TPD52L1: variants seen among roughly 807,000 people sequenced by gnomAD.
TPD52L1 encodes tumor protein D53.
A neutral mutation model predicts 28.7 loss-of-function variants in TPD52L1; 18 were observed. The observed-to-expected ratio is 0.63, with a 90% CI of 0.43 to 0.93. The LOEUF (loss-of-function observed/expected upper bound fraction) is 0.93, where lower values mean the gene tolerates loss of function less well. Ranked by LOEUF, TPD52L1 falls within the 40% of genes least tolerant of loss-of-function variation. TPD52L1 has a pLI of 0.00. For missense variants in TPD52L1, 203 were observed against 254.8 expected (o/e 0.80, Z 1.39); for synonymous variants, 75 against 88.8 (o/e 0.84, Z 0.88).
chr6:125,153,779 G>C lies in TPD52L1; in HGVS notation c.-173G>C. The C allele has an allele frequency of 1.6e-6, 1 of 637,056 alleles. No homozygotes were observed. Among genetic ancestry groups the C allele is most frequent in the Non-Finnish European group, 2.6e-6 (1 of 390,038 alleles). 39.5% of individuals were successfully genotyped at this position (637,056 alleles called of 1,614,324 possible). Reference sequence around the variant, plus strand: ...GGAAGGGGCGGAGGTAACCAGAAGCGGCTAGTGGCGGCTGCCTGCGTCCCC... The same window carrying C: ...GGAAGGGGCGGAGGTAACCAGAAGCCGCTAGTGGCGGCTGCCTGCGTCCCC... On this transcript the variant is annotated 5_prime_UTR_variant, in exon 1 of 7. Coordinates refer to ENST00000534000, the MANE Select transcript of TPD52L1 (RefSeq NM_003287.4).
At chr6:125,260,965 AAAGAAAGAAAGAAAAG>A (rs1797932442) in intron 6 of TPD52L1, 4 of 43,164 alleles carry the variant, frequency 9.3e-5, no homozygotes, top group Admixed American at 5.6e-4. Flanking sequence ...AGAAAGAAAG[AAAGAAAGAAAGAAAAG>A]AAAAGAAAGA....
intron 3 of TPD52L1, among the ~76,000 whole-genome samples, chr6:125,237,300 T>C (rs1239670922): frequency 2.0e-5 from 3 of 152,142 alleles, no homozygotes; most frequent in Non-Finnish European, 4.4e-5. Context: ...GTATGGAGTT[T>C]AGTTAGGTGA....
chr6:125,154,981 G>C (rs542295998), intron 1 of TPD52L1, among the ~76,000 whole-genome samples: 1 of 152,290 alleles, frequency 6.6e-6, no homozygotes, highest in South Asian at 2.1e-4. Flanking sequence ...CCCTCTAGGG[G>C]CAGAACGCCC....
chr6:125,236,641 A>G (rs1244324611), intron 3 of TPD52L1, among the ~76,000 whole-genome samples: 1 of 152,240 alleles, frequency 6.6e-6, no homozygotes, highest in Non-Finnish European at 1.5e-5. Context: ...GAATTCTCTA[A>G]CTAGTAGCCA....
chr6:125,172,082 C>T (rs946059937), intron 1 of TPD52L1, among the ~76,000 whole-genome samples: 8 of 127,934 alleles, frequency 6.3e-5, no homozygotes, highest in African/African-American at 2.4e-4. Context: ...CTTTCTTTCT[C>T]TTTCTTTCTT....
intron 3 of TPD52L1, among the ~76,000 whole-genome samples, chr6:125,230,438 C>T (rs1470549279): frequency 6.6e-6 from 1 of 152,144 alleles, no homozygotes; most frequent in Non-Finnish European, 1.5e-5. Context: ...GCATTTTCTT[C>T]TCTACTATCA....
At chr6:125,216,555 A>G (rs1582947876) in intron 1 of TPD52L1, among the ~76,000 whole-genome samples, 1 of 135,574 alleles carries the variant, frequency 7.4e-6, no homozygotes, top group African/African-American at 2.7e-5. Context: ...ATATATATAT[A>G]TATATATATA....
intron 1 of TPD52L1, among the ~76,000 whole-genome samples, chr6:125,183,164 G>A (rs1792329413): frequency 6.6e-6 from 1 of 152,184 alleles, no homozygotes; most frequent in South Asian, 2.1e-4. Context: ...TGAGCGGTGA[G>A]ATTGGAGCCA....
chr6:125,172,229 CTCT>C (rs1345530055), intron 1 of TPD52L1, among the ~76,000 whole-genome samples: 1 of 126,298 alleles, frequency 7.9e-6, no homozygotes, highest in African/African-American at 3.1e-5. Flanking sequence ...TCCTTCCTTC[CTCT>C]TTCCTTCCTT....
intron 1 of TPD52L1, among the ~76,000 whole-genome samples, chr6:125,160,705 G>A (rs540639598): frequency 9.2e-5 from 14 of 152,250 alleles, no homozygotes; most frequent in Non-Finnish European, 1.9e-4. Flanking sequence ...TTCTTCCAGT[G>A]TAAGGCTGTT....
intron 2 of TPD52L1, among the ~76,000 whole-genome samples, chr6:125,224,194 G>T (rs1185313474): frequency 1.3e-5 from 2 of 152,006 alleles, no homozygotes; most frequent in Non-Finnish European, 2.9e-5. Flanking sequence ...TTTTGAAAAG[G>T]ATAAAGTTTT....
At chr6:125,170,885 A>G (rs62432188) in intron 1 of TPD52L1, among the ~76,000 whole-genome samples, 3,827 of 150,376 alleles carry the variant, frequency 0.025, 80 homozygotes, top group Middle Eastern at 0.048. Context: ...CTTCTAGACC[A>G]TGTTCTGGTA....
chr6:125,229,717 C>T (rs541266237), intron 3 of TPD52L1, among the ~76,000 whole-genome samples: 13 of 152,206 alleles, frequency 8.5e-5, no homozygotes, highest in African/African-American at 3.1e-4. Context: ...CAAAGAAAAC[C>T]TTGTACTTTT....
chr6:125,251,124 C>T (rs1204360815), intron 4 of TPD52L1, among the ~76,000 whole-genome samples: 2 of 143,338 alleles, frequency 1.4e-5, no homozygotes, highest in African/African-American at 5.6e-5. Flanking sequence ...TAATAAAAGA[C>T]CTTAAATGGG....
intron 1 of TPD52L1, among the ~76,000 whole-genome samples, chr6:125,215,681 C>T (rs1385358051): frequency 6.6e-6 from 1 of 152,138 alleles, no homozygotes; most frequent in Non-Finnish European, 1.5e-5. Flanking sequence ...AAGGTTTATG[C>T]GCTCCCCCTC....
intron 1 of TPD52L1, among the ~76,000 whole-genome samples, chr6:125,211,812 C>G (rs1794537995): frequency 6.6e-6 from 1 of 152,146 alleles, no homozygotes. Flanking sequence ...CTACTACACA[C>G]CTGATTCAAT....
intron 1 of TPD52L1, among the ~76,000 whole-genome samples, chr6:125,171,932 A>AT (rs59372322): frequency 6.6e-5 from 10 of 151,086 alleles, no homozygotes; most frequent in South Asian, 4.2e-4. Flanking sequence ...TGGGATGTAT[A>AT]TTTTTTTTTG....
intron 1 of TPD52L1, among the ~76,000 whole-genome samples, chr6:125,182,390 T>A (rs1239997465): frequency 1.3e-5 from 2 of 152,030 alleles, no homozygotes; most frequent in East Asian, 1.9e-4. Context: ...GTGAGCAAAG[T>A]GTTGCAGGAG....
rs1197247209 is a variant in TPD52L1 at position 125,263,601 on chromosome 6, C to A, written c.*639C>A. The A allele has an allele frequency of 6.6e-6, 1 of 152,660 alleles. No individual in the cohort carries two copies. The highest frequency in any genetic ancestry group is 1.5e-5 in the Non-Finnish European group (1 of 68,074). The allele number at this position is 152,660 out of a possible 1,614,324, so 9.5% of individuals were successfully genotyped here. A position where few individuals can be genotyped will look rare whatever the true frequency, so the allele number is the denominator to read the frequency against. ...AGGTGCGGCGGCTCACACCTGTAAT[C>A]CCAACTATTTTGGATGCCAAGGTGA... On this transcript the variant is annotated 3_prime_UTR_variant, in exon 7 of 7. Transcript: ENST00000534000.
Sources: gnomAD v4.1 joint callset for allele counts (sites outside exome capture counted in the v4.1 genomes callset) on GRCh38, gnomAD v4.1.1 for gene constraint, MANE v1.5 for transcripts, NCBI Gene and HGNC (gene_info 2026-07-23, HGNC 2026-07-21) for gene names.